Variants in CDC37L1 observed in about 807,000 individuals in gnomAD.
CDC37L1 encodes cell division cycle 37 like 1, HSP90 cochaperone.
In CDC37L1, 32 loss-of-function variants were observed where a neutral mutation model predicts 45.9. The observed-to-expected ratio is 0.70, with a 90% CI of 0.53 to 0.94. The LOEUF is 0.94. Among genes scored for constraint, CDC37L1 ranks in the 40% least tolerant of loss-of-function variants. The probability of loss-of-function intolerance (pLI) is 0.00; values close to 1 mark genes in which losing one functional copy is unlikely to be tolerated. For missense variants in CDC37L1, 434 were observed against 405.7 expected (o/e 1.07, Z -0.60); for synonymous variants, 150 against 133.0 (o/e 1.13, Z -0.88).
chr9:4,685,999 T>TG (rs1331904054), intron 2 of CDC37L1, among the ~76,000 whole-genome samples: 1 of 152,102 alleles, frequency 6.6e-6, no homozygotes, highest in African/African-American at 2.4e-5. Context: ...CCTGTCTCTA[T>TG]AAAAAATACG....
At chr9:4,681,088 A>T (rs1234666998) in intron 1 of CDC37L1, among the ~76,000 whole-genome samples, 1 of 152,224 alleles carries the variant, frequency 6.6e-6, no homozygotes, top group Non-Finnish European at 1.5e-5. Context: ...TCATCTTTAT[A>T]TACAAAATGT....
intron 3 of CDC37L1, among the ~76,000 whole-genome samples, chr9:4,690,683 A>C (rs7854473): frequency 9.8e-4 from 150 of 152,326 alleles, no homozygotes; most frequent in African/African-American, 3.5e-3. Context: ...TCTTGTAATA[A>C]ATATCAGAGC....
chr9:4,697,813 G>A lies in CDC37L1; in HGVS notation c.681G>A (p.Met227Ile), dbSNP rs767912433. The A allele has an allele frequency of 3.1e-6, 5 of 1,607,116 alleles. No homozygotes were observed. Among genetic ancestry groups the A allele is most frequent in the Non-Finnish European group, 4.3e-6 (5 of 1,173,946 alleles). The change falls in exon 5 of 7, where the codon ATG becomes ATA. Residue 227 changes from methionine to isoleucine, a missense_variant. Coordinates refer to ENST00000381854, the MANE Select transcript of CDC37L1 (RefSeq NM_017913.4). ...AAGCTGTTGTAATGCAGTTTATTAT[G>A]GAAATGGCCAAAAACTGTAATGTGG... ...AHQAVVMQFI[M>I]EMAKNCNVDP... is the part of the protein sequence containing the mutation.
At chr9:4,704,312 G>C (rs1034072516) in intron 6 of CDC37L1, among the ~76,000 whole-genome samples, 7 of 152,010 alleles carry the variant, frequency 4.6e-5, no homozygotes, top group African/African-American at 1.7e-4. Flanking sequence ...TTCTACTTTT[G>C]GATTTCTATT....
intron 3 of CDC37L1, among the ~76,000 whole-genome samples, chr9:4,692,102 C>A (rs1201129163): frequency 6.6e-6 from 1 of 152,062 alleles, no homozygotes; most frequent in Non-Finnish European, 1.5e-5. Flanking sequence ...TGCTCAAATA[C>A]TATGATAGAA....
intron 5 of CDC37L1, among the ~76,000 whole-genome samples, chr9:4,700,356 C>T (rs887388805): frequency 1.3e-5 from 2 of 152,184 alleles, no homozygotes; most frequent in South Asian, 4.1e-4. Context: ...CTGTGTTGCC[C>T]AGGCTGGTCT....
chr9:4,682,441 C>T (rs1841203982), intron 1 of CDC37L1, among the ~76,000 whole-genome samples: 1 of 151,286 alleles, frequency 6.6e-6, no homozygotes, highest in East Asian at 1.9e-4. Flanking sequence ...CATTCTCCTG[C>T]CTTAGCCTCC....
rs1021881811 is a variant in CDC37L1, at chr9:4,707,648, A to T, written c.*1536A>T. 1 of 151,790 alleles carries T rather than the reference A, an allele frequency of 6.6e-6. No homozygotes were observed. The highest frequency in any genetic ancestry group is 1.5e-5 in the Non-Finnish European group (1 of 67,954). The allele number at this position is 151,790 out of a possible 1,614,324, so 9.4% of individuals were successfully genotyped here. ...GATATAAATATATACTCTATAATAA[A>T]ATGTTTGACTAATTTATATAGTAGT... On this transcript the variant is annotated 3_prime_UTR_variant, in exon 7 of 7. Coordinates refer to ENST00000381854, the MANE Select transcript of CDC37L1 (RefSeq NM_017913.4).
In CDC37L1 at chr9:4,707,585, A is replaced by G. The variant is rs1369858645; in HGVS notation, c.*1473A>G. On this transcript the variant is annotated 3_prime_UTR_variant, in exon 7 of 7. Transcript: ENST00000381854. ...TTGAATCTTCTTCTGTAACATCACAATCTTCCTGGTTTTCAGAATAAACGT... is the reference window on the plus strand; with the variant it reads ...TTGAATCTTCTTCTGTAACATCACAGTCTTCCTGGTTTTCAGAATAAACGT... The G allele has an allele frequency of 1.3e-5, 2 of 152,284 alleles. No homozygotes were observed. The highest frequency in any genetic ancestry group is 1.9e-4 in the East Asian group (1 of 5,188). 9.4% of individuals were successfully genotyped at this position (152,284 alleles called of 1,614,324 possible).
intron 5 of CDC37L1, among the ~76,000 whole-genome samples, chr9:4,700,850 A>G (rs1311120988): frequency 6.6e-6 from 1 of 152,228 alleles, no homozygotes; most frequent in East Asian, 1.9e-4. Flanking sequence ...AAAATCTGTC[A>G]TCACTCTATA....
rs918315533 is a variant in CDC37L1 at position 4,679,629 on chromosome 9, C to G, written c.-139C>G. On this transcript the variant is annotated 5_prime_UTR_variant, in exon 1 of 7. Transcript: ENST00000381854. Reference sequence around the variant, plus strand: ...CGCCGGGTGTGCAGCGGCGTCGCGGCCAGTAGAGGGATTCTGGGTAACGGC... The same window carrying G: ...CGCCGGGTGTGCAGCGGCGTCGCGGGCAGTAGAGGGATTCTGGGTAACGGC... 6.1e-5 allele frequency: 44 copies of G among 725,668 alleles called. No homozygotes were observed. The highest frequency in any genetic ancestry group is 9.3e-5 in the Non-Finnish European group (43 of 464,822). The allele number at this position is 725,668 out of a possible 1,614,324, so 45.0% of individuals were successfully genotyped here. A position where few individuals can be genotyped will look rare whatever the true frequency, so the allele number is the denominator to read the frequency against.
chr9:4,705,921 G>GTGAAACTGAATATATA, intron 6 of CDC37L1, 90 bp from the exon 7 acceptor site: 1 of 551,412 alleles, frequency 1.8e-6, no homozygotes, highest in East Asian at 2.9e-5. Context: ...AAATAGGACG[G>GTGAAACTGAATATATA]TGAAACTGAA....
chr9:4,695,924 G>A (rs1350267745), intron 3 of CDC37L1, among the ~76,000 whole-genome samples: 1 of 152,054 alleles, frequency 6.6e-6, no homozygotes, highest in East Asian at 1.9e-4. Flanking sequence ...CCAAGTAGCT[G>A]GGATTTACCT....
At chr9:4,703,125 GTTGTCTACA>G in intron 6 of CDC37L1, 1 of 1,527,680 alleles carries the variant, frequency 6.5e-7, no homozygotes, top group Non-Finnish European at 8.8e-7. Context: ...AGTTTAATCT[GTTGTCTACA>G]TTGTGAGAAG....
rs1269241355 is a variant in CDC37L1, at chr9:4,706,017, G to T, written c.919G>T (p.Asp307Tyr). Residue 307 changes from aspartate to tyrosine, a missense_variant, in exon 7 of 7, where the codon GAT becomes TAT. Transcript: ENST00000381854. Reference protein sequence around the residue: ...GLLESLPQNPDYLQYSISTAL... With the variant: ...GLLESLPQNPYYLQYSISTAL... ...ACCTTTTCTTTTTCCCCAGAATCCA[G>T]ATTATCTTCAGTATTCTATCAGTAC... 2 of 1,550,888 alleles carry T rather than the reference G, an allele frequency of 1.3e-6. 1 individual carries two copies. The highest frequency in any genetic ancestry group is 2.3e-5 in the South Asian group (2 of 88,880).
chr9:4,703,140 A>G, intron 6 of CDC37L1: 4 of 1,514,546 alleles, frequency 2.6e-6, no homozygotes, highest in African/African-American at 1.4e-5. Context: ...CTACATTGTG[A>G]GAAGGAAAGT....
At chr9:4,694,431 C>T (rs916299489) in intron 3 of CDC37L1, among the ~76,000 whole-genome samples, 5 of 152,062 alleles carry the variant, frequency 3.3e-5, no homozygotes, top group East Asian at 1.9e-4. Flanking sequence ...AGGTCTGTAT[C>T]GACTACCTGT....
intron 1 of CDC37L1, among the ~76,000 whole-genome samples, chr9:4,684,299 T>A (rs929510808): frequency 3.3e-5 from 5 of 152,142 alleles, no homozygotes; most frequent in African/African-American, 7.2e-5. Context: ...TATATATATA[T>A]AATTTGCCTA....
intron 3 of CDC37L1, among the ~76,000 whole-genome samples, chr9:4,692,907 G>A (rs1406998710): frequency 6.6e-6 from 1 of 152,126 alleles, no homozygotes; most frequent in Non-Finnish European, 1.5e-5. Flanking sequence ...TGGTAACATG[G>A]AGCCTAGGAA....
Sources: allele counts gnomAD v4.1 joint callset (sites outside exome capture counted in the v4.1 genomes callset), GRCh38; gene constraint gnomAD v4.1.1; transcripts MANE v1.5; gene names NCBI Gene and HGNC (gene_info 2026-07-23, HGNC 2026-07-21).